The following SPATA17 variants were observed in gnomAD, a reference collection of about 807,000 sequenced individuals.
SPATA17 encodes spermatogenesis-associated protein 17.
In SPATA17, 53 loss-of-function variants were observed where a neutral mutation model predicts 62.2. The ratio of observed to expected loss-of-function variants is 0.85; its 90% CI spans 0.68 to 1.07. The LOEUF is 1.07. SPATA17 is among the 50% of genes least tolerant of loss of function. SPATA17 has a pLI of 0.00. For missense variants in SPATA17, 466 were observed against 425.5 expected (o/e 1.10, Z -0.84); for synonymous variants, 146 against 146.8 (o/e 0.99, Z 0.04).
chr1:217,654,269 C>T (rs1405971862), intron 3 of SPATA17, among the ~76,000 whole-genome samples: 1 of 151,848 alleles, frequency 6.6e-6, no homozygotes, highest in Admixed American at 6.6e-5. Context: ...TCCCAAGTAG[C>T]TGGAATTACA....
chr1:217,658,641 C>T (rs1670495436), intron 3 of SPATA17, among the ~76,000 whole-genome samples: 1 of 152,022 alleles, frequency 6.6e-6, no homozygotes, highest in Admixed American at 6.6e-5. Flanking sequence ...GCCTGTAGTC[C>T]TAGCTACTCG....
At chr1:217,637,577 A>T (rs1408258438) in intron 1 of SPATA17, among the ~76,000 whole-genome samples, 1 of 152,152 alleles carries the variant, frequency 6.6e-6, no homozygotes, top group East Asian at 1.9e-4. Context: ...CTATAAACGG[A>T]ATAAATTTGT....
chr1:217,806,906 C>A (rs1477871935), intron 9 of SPATA17, among the ~76,000 whole-genome samples: 5 of 151,956 alleles, frequency 3.3e-5, no homozygotes, highest in African/African-American at 9.7e-5. Flanking sequence ...CAGGCTATAC[C>A]ATGTAACATA....
At chr1:217,782,056 G>C (rs1673739631) in intron 7 of SPATA17, 118 bp from the exon 8 acceptor site, 2 of 977,562 alleles carry the variant, frequency 2.0e-6, no homozygotes, top group East Asian at 5.7e-5. Context: ...AACAAATGGT[G>C]TTTTAAAAAT....
chr1:217,855,223 A>G (rs896614511), intron 9 of SPATA17, among the ~76,000 whole-genome samples: 3 of 152,214 alleles, frequency 2.0e-5, no homozygotes, highest in Admixed American at 6.5e-5. Context: ...AACTACATGC[A>G]AGCCAAATGT....
chr1:217,684,637 A>G (rs1671174722), intron 5 of SPATA17, among the ~76,000 whole-genome samples: 1 of 152,048 alleles, frequency 6.6e-6, no homozygotes, highest in African/African-American at 2.4e-5. Flanking sequence ...GCTGGTCTTG[A>G]ACTCCTGACC....
intron 5 of SPATA17, among the ~76,000 whole-genome samples, chr1:217,721,211 G>T (rs1672119099): frequency 6.6e-6 from 1 of 152,180 alleles, no homozygotes. Flanking sequence ...GCTTAATACA[G>T]TAATTAATGA....
At chr1:217,697,229 C>T (rs187745953) in intron 5 of SPATA17, among the ~76,000 whole-genome samples, 52 of 152,330 alleles carry the variant, frequency 3.4e-4, no homozygotes, top group African/African-American at 1.2e-3. Context: ...GATCCGACTG[C>T]CTCGGCCTCC....
intron 1 of SPATA17, among the ~76,000 whole-genome samples, chr1:217,635,893 G>A (rs928608952): frequency 2.0e-5 from 3 of 151,940 alleles, no homozygotes; most frequent in Non-Finnish European, 2.9e-5. Context: ...CCAGCACTTC[G>A]GGAGGCCAAG....
At chr1:217,842,518 GT>G (rs1347526671) in intron 9 of SPATA17, among the ~76,000 whole-genome samples, 2 of 151,386 alleles carry the variant, frequency 1.3e-5, no homozygotes, top group African/African-American at 2.4e-5. Context: ...TGTTTGTTGT[GT>G]TTTTTTCATT....
At chr1:217,819,366 C>CTT in intron 9 of SPATA17, among the ~76,000 whole-genome samples, 1 of 151,462 alleles carries the variant, frequency 6.6e-6, no homozygotes, top group Non-Finnish European at 1.5e-5. Context: ...CTGCAGGATC[C>CTT]TTTTTTTTCC....
At chr1:217,697,538 T>G in intron 5 of SPATA17, among the ~76,000 whole-genome samples, 1 of 152,180 alleles carries the variant, frequency 6.6e-6, no homozygotes, top group East Asian at 1.9e-4. Context: ...CTGTTTAAAC[T>G]TTATTGGGAA....
At chr1:217,741,848 G>A (rs1672631240) in intron 5 of SPATA17, 127 bp from the exon 6 acceptor site, 1 of 973,762 alleles carries the variant, frequency 1.0e-6, no homozygotes, top group Admixed American at 2.7e-5. Context: ...AGGTAAGATA[G>A]ATTACACCAC....
chr1:217,781,846 T>C (rs1185090247), intron 7 of SPATA17, among the ~76,000 whole-genome samples: 2 of 152,158 alleles, frequency 1.3e-5, no homozygotes, highest in African/African-American at 4.8e-5. Flanking sequence ...TTTTTAATTA[T>C]ACTGAACAAA....
Position 217,689,315 on chromosome 1 carries a change from TC to T in SPATA17, c.395+5957del, listed in dbSNP as rs1671295849. ...ATGTCGGCTTACTGCAATCTCTGCC[TC>T]CCTGGTTCAAGTGATTCTCCTGCCT... On this transcript the variant is annotated intron_variant, in intron 5 of 10. Transcript: ENST00000366933. Among the ~76,000 whole-genome samples the T allele has an allele frequency of 2.1e-5, 3 of 140,094 alleles. No homozygotes were observed. In the South Asian group the frequency reaches 7.1e-4, roughly 33 times the overall value. 91.9% of individuals were successfully genotyped at this position (140,094 alleles called of 152,430 possible).
At chr1:217,689,905 T>C (rs1671306485) in intron 5 of SPATA17, among the ~76,000 whole-genome samples, 1 of 151,998 alleles carries the variant, frequency 6.6e-6, no homozygotes, top group African/African-American at 2.4e-5. Context: ...GTTTTTCTTT[T>C]TCTTTTTTTT....
intron 3 of SPATA17, 40 bp from the exon 4 acceptor site, chr1:217,668,993 G>A (rs963713960): frequency 2.6e-6 from 4 of 1,565,332 alleles, no homozygotes; most frequent in Admixed American, 1.7e-5. Context: ...CTGTCTTTGT[G>A]TAACTGAAAT....
chr1:217,648,715 C>A (rs1670242498), intron 1 of SPATA17, among the ~76,000 whole-genome samples, 167 bp from the exon 2 acceptor site: 3 of 152,124 alleles, frequency 2.0e-5, no homozygotes, highest in Admixed American at 2.0e-4. Context: ...AAACATAGCT[C>A]ATGATTTTTG....
intron 3 of SPATA17, among the ~76,000 whole-genome samples, chr1:217,661,064 C>G (rs1670557422): frequency 6.6e-6 from 1 of 151,876 alleles, no homozygotes; most frequent in African/African-American, 2.4e-5. Flanking sequence ...TTAAACCAAG[C>G]TATTGAATGG....
Sources: allele counts gnomAD v4.1 joint callset (sites outside exome capture counted in the v4.1 genomes callset), GRCh38; gene constraint gnomAD v4.1.1; transcripts MANE v1.5; gene names NCBI Gene and HGNC (gene_info 2026-07-23, HGNC 2026-07-21).